The following ULK4 variants were observed in gnomAD, a reference collection of about 807,000 sequenced individuals.
The protein encoded by ULK4 is inactive serine/threonine-protein kinase ULK4.
A neutral mutation model predicts 160.6 loss-of-function variants in ULK4; 133 were observed. The observed-to-expected ratio is 0.83, with a 90% confidence interval of 0.72 to 0.96. The LOEUF (loss-of-function observed/expected upper bound fraction) is 0.96, where lower values mean the gene tolerates loss of function less well. Among genes scored for constraint, ULK4 ranks in the 40% least tolerant of loss-of-function variants. The pLI, the probability that ULK4 is intolerant of heterozygous loss-of-function variation, is 0.00. For missense variants in ULK4, 1,580 were observed against 1,499.5 expected (o/e 1.05, Z -0.89); for synonymous variants, 534 against 539.8 (o/e 0.99, Z 0.15).
At chr3:41,563,031 T>C (rs1176635863) in intron 32 of ULK4, among the ~76,000 whole-genome samples, 2 of 152,308 alleles carry the variant, frequency 1.3e-5, no homozygotes, top group East Asian at 3.9e-4. Flanking sequence ...GTGCTTCCTT[T>C]AGGAGCTCTT....
intron 32 of ULK4, among the ~76,000 whole-genome samples, chr3:41,481,192 C>T (rs1334772793): frequency 6.6e-6 from 1 of 152,178 alleles, no homozygotes; most frequent in African/African-American, 2.4e-5. Flanking sequence ...CACCTAACCC[C>T]CACATTGTTC....
chr3:41,300,017 T>A (rs1047366783), intron 35 of ULK4, among the ~76,000 whole-genome samples: 3 of 152,142 alleles, frequency 2.0e-5, no homozygotes, highest in African/African-American at 7.2e-5. Flanking sequence ...AAATAGGCCA[T>A]CAGATATTTT....
chr3:41,706,764 G>A (rs2036901809), intron 25 of ULK4, among the ~76,000 whole-genome samples: 2 of 149,648 alleles, frequency 1.3e-5, no homozygotes, highest in Admixed American at 6.8e-5. Flanking sequence ...GGAAGCGGAG[G>A]TTGTAGTGAG....
chr3:41,834,667 T>A (rs1289123857), intron 18 of ULK4, among the ~76,000 whole-genome samples: 1 of 152,366 alleles, frequency 6.6e-6, no homozygotes, highest in Non-Finnish European at 1.5e-5. Flanking sequence ...AAATGATGAT[T>A]GTTCAGAAAG....
At chr3:41,616,225 T>C (rs1278143733) in intron 30 of ULK4, among the ~76,000 whole-genome samples, 1 of 152,200 alleles carries the variant, frequency 6.6e-6, no homozygotes, top group African/African-American at 2.4e-5. Flanking sequence ...CAAATCTAGT[T>C]ATCAATTGTC....
At chr3:41,367,544 C>T (rs2081276369) in intron 35 of ULK4, among the ~76,000 whole-genome samples, 1 of 152,150 alleles carries the variant, frequency 6.6e-6, no homozygotes, top group African/African-American at 2.4e-5. Context: ...ACGCTTCGCT[C>T]TTCCTCAAAA....
At chr3:41,900,085 T>C (rs1389587376) in intron 13 of ULK4, among the ~76,000 whole-genome samples, 1 of 152,120 alleles carries the variant, frequency 6.6e-6, no homozygotes, top group Non-Finnish European at 1.5e-5. Flanking sequence ...CAGAGGGACT[T>C]AGAAATGAAT....
At chr3:41,418,357 G>A (rs2082581231) in intron 34 of ULK4, among the ~76,000 whole-genome samples, 1 of 146,400 alleles carries the variant, frequency 6.8e-6, no homozygotes, top group Non-Finnish European at 1.5e-5. Flanking sequence ...GGGGGGGCAC[G>A]TTTCTAAGCT....
chr3:41,775,362 T>C (rs916208665), intron 21 of ULK4, among the ~76,000 whole-genome samples: 1 of 150,136 alleles, frequency 6.7e-6, no homozygotes, highest in Non-Finnish European at 1.5e-5. Context: ...CACATGCTAA[T>C]GAATATAAGA....
chr3:41,804,242 G>A (rs1324926194), intron 19 of ULK4, among the ~76,000 whole-genome samples: 44 of 152,110 alleles, frequency 2.9e-4, no homozygotes, highest in African/African-American at 9.9e-4. Context: ...GCCAGTGATG[G>A]TGAGCATTTT....
At chr3:41,833,650 C>T (rs1262102672) in intron 18 of ULK4, among the ~76,000 whole-genome samples, 1 of 152,116 alleles carries the variant, frequency 6.6e-6, no homozygotes, top group Non-Finnish European at 1.5e-5. Flanking sequence ...CATGATTTGG[C>T]TCTCTGCTTG....
chr3:41,742,868 G>C (rs528495709), intron 22 of ULK4, among the ~76,000 whole-genome samples: 4 of 151,922 alleles, frequency 2.6e-5, no homozygotes, highest in African/African-American at 9.7e-5. Flanking sequence ...GTAGATGACA[G>C]AGAGCAGAAC....
intron 35 of ULK4, among the ~76,000 whole-genome samples, chr3:41,305,231 C>CTT (rs2079882990): frequency 6.6e-6 from 1 of 152,146 alleles, no homozygotes; most frequent in Non-Finnish European, 1.5e-5. Flanking sequence ...CTCTCCCTCT[C>CTT]CCCACGGTCT....
chr3:41,868,424 T>C (rs988965652), intron 17 of ULK4, among the ~76,000 whole-genome samples: 20 of 152,336 alleles, frequency 1.3e-4, no homozygotes, highest in Non-Finnish European at 2.2e-4. Context: ...TTCCATGGTA[T>C]ATCTTGTAAG....
At chr3:41,732,412 G>A (rs1324594150) in intron 22 of ULK4, among the ~76,000 whole-genome samples, 1 of 151,858 alleles carries the variant, frequency 6.6e-6, no homozygotes, top group Non-Finnish European at 1.5e-5. Context: ...ACCACAATGA[G>A]GTATCACCTC....
At chr3:41,951,567 A>G (rs1245548035) in intron 2 of ULK4, among the ~76,000 whole-genome samples, 3 of 152,248 alleles carry the variant, frequency 2.0e-5, no homozygotes, top group Admixed American at 1.3e-4. Flanking sequence ...ATGACTTCCA[A>G]TAAGTATTCC....
intron 25 of ULK4, among the ~76,000 whole-genome samples, chr3:41,712,651 A>G (rs1232421799): frequency 2.0e-5 from 3 of 152,184 alleles, no homozygotes; most frequent in East Asian, 1.9e-4. Flanking sequence ...GCACTTTGGG[A>G]GGCCAAGGTG....
intron 35 of ULK4, among the ~76,000 whole-genome samples, chr3:41,284,811 T>C (rs2079427321): frequency 6.6e-6 from 1 of 151,828 alleles, no homozygotes; most frequent in Non-Finnish European, 1.5e-5. Context: ...AAACAGAAAA[T>C]TCAGAGTTGG....
At chr3:41,894,466 C>T (rs1698084567) in intron 16 of ULK4, among the ~76,000 whole-genome samples, 1 of 152,170 alleles carries the variant, frequency 6.6e-6, no homozygotes, top group Admixed American at 6.5e-5. Context: ...ACCAGTGCCA[C>T]AATCCACAAA....
Sources: gnomAD v4.1 joint callset for allele counts (sites outside exome capture counted in the v4.1 genomes callset) on GRCh38, gnomAD v4.1.1 for gene constraint, MANE v1.5 for transcripts, NCBI Gene and HGNC (gene_info 2026-07-23, HGNC 2026-07-21) for gene names.